GALNT7: variants seen among roughly 807,000 people sequenced by gnomAD.
The protein encoded by GALNT7 is polypeptide N-acetylgalactosaminyltransferase 7.
In GALNT7, 60 loss-of-function variants were observed where a neutral mutation model predicts 82.1. The ratio of observed to expected loss-of-function variants is 0.73; its 90% confidence interval spans 0.59 to 0.91. The LOEUF (loss-of-function observed/expected upper bound fraction) is 0.91. GALNT7 is among the 40% of genes least tolerant of loss of function. The pLI is 0.00. For synonymous variants in GALNT7, 243 were observed against 275.1 expected (o/e 0.88, Z 1.15); for missense variants, 660 against 804.2 (o/e 0.82, Z 2.17).
At chr4:173,232,985 G>A (rs924616333) in intron 1 of GALNT7, among the ~76,000 whole-genome samples, 6 of 152,144 alleles carry the variant, frequency 3.9e-5, no homozygotes, top group African/African-American at 9.7e-5. Context: ...GTGAGAACAC[G>A]TGGTATTTGT....
At chr4:173,244,858 G>A (rs1265739655) in intron 1 of GALNT7, among the ~76,000 whole-genome samples, 3 of 152,120 alleles carry the variant, frequency 2.0e-5, no homozygotes, top group Non-Finnish European at 1.5e-5. Context: ...GAGGGTGATT[G>A]CAGGTTTTGG....
intron 10 of GALNT7, among the ~76,000 whole-genome samples, chr4:173,317,948 A>C (rs1737668159): frequency 6.6e-6 from 1 of 152,242 alleles, no homozygotes; most frequent in Non-Finnish European, 1.5e-5. Context: ...GTCAGAATCT[A>C]GAATTAATGT....
chr4:173,293,990 A>T lies in GALNT7; in HGVS notation c.755-1406A>T, dbSNP rs373198980. On this transcript the variant is annotated intron_variant, in intron 3 of 11. Transcript: ENST00000265000. ...GCCTGCAGTCAGTGGGTTAGGGAGG[A>T]TAATTTTCATCCGAGGAAGGGCAGT... is the stretch of plus-strand genomic sequence containing the variant. Among the ~76,000 whole-genome samples the T allele has an allele frequency of 2.8e-4, 42 of 152,348 alleles. 1 individual carries two copies. In the East Asian group the frequency reaches 5.2e-3, roughly 19 times the overall value.
intron 2 of GALNT7, among the ~76,000 whole-genome samples, chr4:173,275,031 C>T (rs1278839741): frequency 6.6e-6 from 1 of 152,178 alleles, no homozygotes; most frequent in African/African-American, 2.4e-5. Context: ...CCCATGCAGC[C>T]ACTCTTAACA....
intron 2 of GALNT7, among the ~76,000 whole-genome samples, chr4:173,276,176 AC>A (rs1170265307): frequency 6.6e-6 from 1 of 152,178 alleles, no homozygotes; most frequent in Non-Finnish European, 1.5e-5. Context: ...GTGATATAGT[AC>A]TCGTGTGACA....
chr4:173,242,405 A>G (rs1044884392), intron 1 of GALNT7, among the ~76,000 whole-genome samples: 2 of 152,184 alleles, frequency 1.3e-5, no homozygotes, highest in African/African-American at 4.8e-5. Flanking sequence ...GCCATTGGAA[A>G]GTGGCCTTCA....
At chr4:173,218,695 T>C (rs751398258) in intron 1 of GALNT7, among the ~76,000 whole-genome samples, 3 of 152,326 alleles carry the variant, frequency 2.0e-5, no homozygotes, top group Non-Finnish European at 4.4e-5. Context: ...CAAATAATAA[T>C]AGTAAAATAG....
At chr4:173,216,293 TAATC>T (rs1379634278) in intron 1 of GALNT7, among the ~76,000 whole-genome samples, 1 of 152,202 alleles carries the variant, frequency 6.6e-6, no homozygotes, top group African/African-American at 2.4e-5. Flanking sequence ...ACCATCCAAA[TAATC>T]AGCCAAATCA....
At chr4:173,206,952 A>C (rs1733118407) in intron 1 of GALNT7, among the ~76,000 whole-genome samples, 2 of 152,190 alleles carry the variant, frequency 1.3e-5, no homozygotes. Flanking sequence ...GCCTTTGTGC[A>C]AAAGGGCACT....
At chr4:173,186,074 T>C (rs1404417063) in intron 1 of GALNT7, among the ~76,000 whole-genome samples, 3 of 152,226 alleles carry the variant, frequency 2.0e-5, no homozygotes, top group African/African-American at 7.2e-5. Context: ...GCCTGCTATA[T>C]AGTACAAGGT....
In GALNT7 at chr4:173,176,185, A is replaced by G. The variant is rs190993148; in HGVS notation, c.126+7224A>G. ...AGTCTTCAGGAGTAAGTGTAAGACT[A>G]TCATGCAAATCTGGCGGAAAAGCAT... On this transcript the variant is annotated intron_variant, in intron 1 of 11. Transcript: ENST00000265000. Among the ~76,000 whole-genome samples the G allele has an allele frequency of 2.1e-4, 32 of 152,370 alleles. No homozygotes were observed. The East Asian group carries it at 6.0e-3, about 28-fold the overall frequency.
intron 7 of GALNT7, among the ~76,000 whole-genome samples, 179 bp from the exon 8 acceptor site, chr4:173,303,817 C>T (rs1029539679): frequency 3.3e-5 from 5 of 152,114 alleles, no homozygotes; most frequent in African/African-American, 1.2e-4. Context: ...TCCCTGTTGC[C>T]TTCTTGGTTG....
At chr4:173,175,554 G>C (rs976160302) in intron 1 of GALNT7, among the ~76,000 whole-genome samples, 1 of 152,362 alleles carries the variant, frequency 6.6e-6, no homozygotes, top group African/African-American at 2.4e-5. Context: ...GTAGACGCTA[G>C]CTGGGTAATT....
chr4:173,234,046 A>G lies in GALNT7; in HGVS notation c.127-13934A>G, dbSNP rs1734128057. On this transcript the variant is annotated intron_variant, in intron 1 of 11. Coordinates refer to ENST00000265000, the MANE Select transcript of GALNT7 (RefSeq NM_017423.3). ...CAAAACAGCTGTCACTGAAGTTATC[A>G]GTCAGCTTCAACTTCACGTTACCAA... Among the ~76,000 whole-genome samples, 4 of 152,314 alleles carry G rather than the reference A, an allele frequency of 2.6e-5. No homozygotes were observed. The South Asian group carries it at 8.3e-4, about 32-fold the overall frequency.
chr4:173,297,369 G>A (rs998220442), intron 5 of GALNT7, among the ~76,000 whole-genome samples: 5 of 152,056 alleles, frequency 3.3e-5, no homozygotes, highest in South Asian at 2.1e-4. Flanking sequence ...TGAGAGAACC[G>A]CTAAGAATGT....
intron 2 of GALNT7, among the ~76,000 whole-genome samples, chr4:173,276,505 T>C (rs775684350): frequency 1.3e-5 from 2 of 152,238 alleles, no homozygotes; most frequent in African/African-American, 4.8e-5. Context: ...AACCACAGTT[T>C]TATTTTGTCT....
chr4:173,256,548 TC>T (rs935922842), intron 2 of GALNT7, among the ~76,000 whole-genome samples: 1 of 134,994 alleles, frequency 7.4e-6, no homozygotes, highest in African/African-American at 2.7e-5. Context: ...CCTCTCTCCC[TC>T]CCTCCCTCCC....
intron 9 of GALNT7, chr4:173,317,093 A>G (rs1427169657): frequency 6.6e-6 from 1 of 152,304 alleles, no homozygotes; most frequent in African/African-American, 2.4e-5. Flanking sequence ...TTCATACAAA[A>G]TGTACATTCC....
intron 1 of GALNT7, among the ~76,000 whole-genome samples, chr4:173,186,034 A>T (rs984419590): frequency 5.9e-5 from 9 of 152,220 alleles, no homozygotes; most frequent in Admixed American, 4.6e-4. Context: ...TAGGAAGAAG[A>T]TAAGTATGTG....
Sources: allele counts gnomAD v4.1 joint callset (sites outside exome capture counted in the v4.1 genomes callset), GRCh38; gene constraint gnomAD v4.1.1; transcripts MANE v1.5; gene names NCBI Gene and HGNC (gene_info 2026-07-23, HGNC 2026-07-21).